Variants in ADGRG3 observed in about 807,000 individuals in gnomAD.
The protein encoded by ADGRG3 is adhesion G protein-coupled receptor G3.
In ADGRG3, 39 loss-of-function variants were observed where a neutral mutation model predicts 54.3. The observed-to-expected ratio is 0.72, with a 90% CI of 0.56 to 0.94. ADGRG3 has a LOEUF of 0.94. ADGRG3 is among the 40% of genes least tolerant of loss of function. The pLI, the probability that ADGRG3 is intolerant of heterozygous loss-of-function variation, is 0.00. For synonymous variants in ADGRG3, 312 were observed against 290.0 expected (o/e 1.08, Z -0.77); for missense variants, 654 against 694.6 (o/e 0.94, Z 0.66).
intron 11 of ADGRG3, among the ~76,000 whole-genome samples, chr16:57,688,100 G>T (rs1393484645): frequency 6.6e-6 from 1 of 152,086 alleles, no homozygotes; most frequent in African/African-American, 2.4e-5. Flanking sequence ...CCTCTATTTT[G>T]CTCTTTCTTT....
chr16:57,684,343 G>A (rs1272157462), intron 9 of ADGRG3, 47 bp from the exon 10 acceptor site: 8 of 1,573,498 alleles, frequency 5.1e-6, no homozygotes, highest in Non-Finnish European at 7.0e-6. Context: ...GGAGGAGGAA[G>A]TGCCAGTAAG....
intron 4 of ADGRG3, chr16:57,678,709 A>G (rs963197360): frequency 3.1e-6 from 1 of 321,064 alleles, no homozygotes; most frequent in African/African-American, 2.1e-5. Context: ...GCCCTTGCAC[A>G]TGTGTATACC....
intron 1 of ADGRG3, among the ~76,000 whole-genome samples, chr16:57,670,599 C>A (rs1178170130): frequency 6.6e-6 from 1 of 152,086 alleles, no homozygotes; most frequent in Non-Finnish European, 1.5e-5. Flanking sequence ...AAAAAGCCAA[C>A]ATAGATCATA....
upstream of ADGRG3, among the ~76,000 whole-genome samples, chr16:57,666,658 C>G (rs2048065265): frequency 6.6e-6 from 1 of 152,098 alleles, no homozygotes; most frequent in South Asian, 2.1e-4. Flanking sequence ...GGGGGGGTCT[C>G]AGGGTTCTGT....
In ADGRG3 at chr16:57,684,044, A is replaced by G. The variant is rs148924785; in HGVS notation, c.994A>G (p.Lys332Glu). The G allele has an allele frequency of 6.2e-7, 1 of 1,613,858 alleles. No individual in the cohort carries two copies. Among genetic ancestry groups the G allele is most frequent in the East Asian group, 2.2e-5 (1 of 44,876 alleles). ...CTTGGTCAATGTGGGGAGTGGCTCA[A>G]AGGGGTCTGATGCTGCCTGCTGGGC... ...AFLVNVGSGS[K>E]GSDAACWARG... Residue 332 changes from lysine (K) to glutamate (E), a missense_variant, in exon 9 of 12, where the codon AAG becomes GAG. Lys to Glu is a moderately conservative substitution (Grantham distance 56). Coordinates refer to ENST00000333493, the MANE Select transcript of ADGRG3 (RefSeq NM_170776.5).
intron 3 of ADGRG3, 27 bp from the exon 4 acceptor site, chr16:57,678,143 T>C: frequency 1.9e-6 from 3 of 1,611,960 alleles, no homozygotes; most frequent in Non-Finnish European, 2.5e-6. Context: ...TGGGTACAGA[T>C]GGGAGCTGCT....
chr16:57,671,229 T>C (rs1357837752), intron 1 of ADGRG3, among the ~76,000 whole-genome samples: 1 of 151,884 alleles, frequency 6.6e-6, no homozygotes, highest in East Asian at 1.9e-4. Context: ...GTCACTCTTA[T>C]CCACTTTGAG....
rs1453734808 is a variant in ADGRG3, at chr16:57,689,305, G to A, written c.*844G>A. 1.9e-5 allele frequency: 3 copies of A among 155,956 alleles called. No homozygotes were observed. The highest frequency in any genetic ancestry group is 1.9e-4 in the South Asian group (1 of 5,314). The allele number at this position is 155,956 out of a possible 1,614,324, so 9.7% of individuals were successfully genotyped here. On this transcript the variant is annotated 3_prime_UTR_variant, in exon 12 of 12. Coordinates refer to ENST00000333493, the MANE Select transcript of ADGRG3 (RefSeq NM_170776.5). Reference sequence around the variant, plus strand: ...AGAGAACAAGGACCTGGGTGGCCTCGCTTACTGTTCCAGCCCAGGCCAAGC... The same window carrying A: ...AGAGAACAAGGACCTGGGTGGCCTCACTTACTGTTCCAGCCCAGGCCAAGC...
upstream of ADGRG3, chr16:57,665,639 C>G (rs1021633000): frequency 1.3e-5 from 2 of 152,286 alleles, no homozygotes; most frequent in Non-Finnish European, 2.9e-5. Context: ...AGGCAGATCA[C>G]GCAGGTTCCC....
Position 57,689,270 on chromosome 16 carries a change from C to T in ADGRG3, c.*809C>T, listed in dbSNP as rs1406907353. 9 of 155,000 alleles carry T rather than the reference C, an allele frequency of 5.8e-5. No homozygotes were observed. In the South Asian group the frequency reaches 1.5e-3, roughly 27 times the overall value. 9.6% of individuals were successfully genotyped at this position (155,000 alleles called of 1,614,324 possible). A position where few individuals can be genotyped will look rare whatever the true frequency, so the allele number is the denominator to read the frequency against. On this transcript the variant is annotated 3_prime_UTR_variant, in exon 12 of 12. Coordinates refer to ENST00000333493, the MANE Select transcript of ADGRG3 (RefSeq NM_170776.5). ...AGAGGCTGGGCATTGCCACTAGGAC[C>T]TGAGCTCCTAGAGAACAAGGACCTG...
chr16:57,676,176 C>T (rs780165907), intron 2 of ADGRG3, 24 bp from the exon 3 acceptor site: 2 of 1,610,380 alleles, frequency 1.2e-6, no homozygotes, highest in South Asian at 1.1e-5. Context: ...ATCCTACCCT[C>T]CCCCCATCCC....
chr16:57,670,830 G>C (rs2048143078), intron 1 of ADGRG3, among the ~76,000 whole-genome samples: 2 of 150,578 alleles, frequency 1.3e-5, no homozygotes, highest in African/African-American at 2.4e-5. Flanking sequence ...TTGTCTTAAT[G>C]ATTAAAAATG....
intron 1 of ADGRG3, among the ~76,000 whole-genome samples, chr16:57,672,363 T>C (rs964314742): frequency 2.6e-5 from 4 of 152,168 alleles, no homozygotes; most frequent in African/African-American, 9.7e-5. Context: ...CCCCTCTTCT[T>C]AATTAAAACA....
intron 4 of ADGRG3, 125 bp from the exon 5 acceptor site, chr16:57,679,052 C>T: frequency 1.8e-6 from 2 of 1,120,264 alleles, no homozygotes; most frequent in Non-Finnish European, 2.5e-6. Flanking sequence ...TCCCTGGTCC[C>T]CTGGTCTCGA....
chr16:57,668,786 G>A (rs960168537), intron 1 of ADGRG3, among the ~76,000 whole-genome samples: 3 of 152,158 alleles, frequency 2.0e-5, no homozygotes, highest in Non-Finnish European at 4.4e-5. Context: ...TCCTGGGGAC[G>A]GGATTCAGAC....
intron 1 of ADGRG3, among the ~76,000 whole-genome samples, chr16:57,672,956 G>T (rs1430334262): frequency 1.3e-5 from 2 of 152,208 alleles, no homozygotes; most frequent in Non-Finnish European, 2.9e-5. Context: ...GGCCACAGTT[G>T]CAAGGGCTTT....
At chr16:57,682,221 C>A (rs1441537513) in intron 8 of ADGRG3, among the ~76,000 whole-genome samples, 1 of 152,188 alleles carries the variant, frequency 6.6e-6, no homozygotes, top group East Asian at 1.9e-4. Flanking sequence ...GGCTGAGGGA[C>A]CCACAGGATC....
In ADGRG3 at chr16:57,685,739, C is replaced by A; in HGVS notation, c.1353C>A (p.Ala451=). 1 of 1,614,162 alleles carries A rather than the reference C, an allele frequency of 6.2e-7. No homozygotes were observed. Among genetic ancestry groups the A allele is most frequent in the Non-Finnish European group, 8.5e-7 (1 of 1,180,018 alleles). Residue 451 remains alanine (A), a synonymous_variant, in exon 11 of 12, where the codon GCC becomes GCA. Transcript: ENST00000333493. ...ITFLFGMVVL[A]LVVWKIFTLS... is the part of the protein sequence containing the mutation. ...TCCTCTTTGGCATGGTGGTCCTGGC[C>A]CTGGTGGTCTGGAAGATCTTCACCC...
upstream of ADGRG3, among the ~76,000 whole-genome samples, chr16:57,665,890 G>A (rs1049105864): frequency 2.6e-5 from 4 of 152,200 alleles, no homozygotes; most frequent in African/African-American, 4.8e-5. Context: ...TCTGAGGGGC[G>A]TGAATGTGGG....
Sources: allele counts gnomAD v4.1 joint callset (sites outside exome capture counted in the v4.1 genomes callset), GRCh38; gene constraint gnomAD v4.1.1; transcripts MANE v1.5; gene names NCBI Gene and HGNC (gene_info 2026-07-23, HGNC 2026-07-21).